The following ANAPC1 variants were observed in gnomAD, a reference collection of about 807,000 sequenced individuals.
The protein encoded by ANAPC1 is anaphase-promoting complex subunit 1.
In ANAPC1, 36 loss-of-function variants were observed where a neutral mutation model predicts 208.0. The ratio of observed to expected loss-of-function variants is 0.17; its 90% CI spans 0.13 to 0.23. The LOEUF is 0.23. Ranked by LOEUF, ANAPC1 falls within the 10% of genes least tolerant of loss-of-function variation. The pLI is 1.00. For synonymous variants in ANAPC1, 378 were observed against 695.2 expected (o/e 0.54, Z 7.18); for missense variants, 942 against 2,011.6 (o/e 0.47, Z 10.17).
At chr2:111,782,807 T>TGGGG (rs1677357160) in intron 42 of ANAPC1, among the ~76,000 whole-genome samples, 1 of 152,178 alleles carries the variant, frequency 6.6e-6, no homozygotes, top group South Asian at 2.1e-4. Flanking sequence ...ATTCCCTATA[T>TGGGG]CCCCTAGCTC....
intron 38 of ANAPC1, among the ~76,000 whole-genome samples, chr2:111,789,697 CA>C (rs1227385114): frequency 6.6e-5 from 10 of 151,700 alleles, no homozygotes; most frequent in Admixed American, 4.6e-4. Context: ...TGGGTAGAAA[CA>C]TAATGGTGTA....
At position 111,872,697 on chromosome 2, in the gene ANAPC1, G is replaced by A. The variant is rs781168837; in HGVS notation, c.544C>T (p.Pro182Ser). The A allele has an allele frequency of 1.2e-6, 2 of 1,613,276 alleles. No individual in the cohort carries two copies. The highest frequency in any genetic ancestry group is 1.7e-6 in the Non-Finnish European group (2 of 1,179,450). Residue 182 changes from proline (P) to serine (S), a missense_variant, in exon 6 of 48, where the codon CCC becomes TCC. Physicochemically the swap from Pro to Ser is moderately conservative, Grantham distance 74. Transcript: ENST00000341068. ...SLPFQVANVWPTKYGLLFERS... is the reference protein window; with the variant it reads ...SLPFQVANVWSTKYGLLFERS... ...TCAAACAGCAATCCATATTTAGTGGGCCAAACATTTGCAACCTTTCAGGTA... is the reference window on the plus strand; with the variant it reads ...TCAAACAGCAATCCATATTTAGTGGACCAAACATTTGCAACCTTTCAGGTA...
chr2:111,821,494 G>C lies in ANAPC1; in HGVS notation c.2992-41C>G, dbSNP rs566243569. 1,698 of 1,405,548 alleles carry C rather than the reference G, an allele frequency of 1.2e-3. 4 individuals are homozygous for C. The highest frequency in any genetic ancestry group is 1.6e-3 in the Non-Finnish European group (1,641 of 1,004,176). 87.1% of individuals were successfully genotyped at this position (1,405,548 alleles called of 1,614,324 possible). On this transcript the variant is annotated intron_variant, in intron 25 of 47. Coordinates refer to ENST00000341068, the MANE Select transcript of ANAPC1 (RefSeq NM_022662.4). Reference sequence around the variant, plus strand: ...TATTGTAATAATAATTTCAAAAGCAGTTAACATGCACTTGCTGAACATGAG... The same window carrying C: ...TATTGTAATAATAATTTCAAAAGCACTTAACATGCACTTGCTGAACATGAG...
intron 16 of ANAPC1, among the ~76,000 whole-genome samples, chr2:111,846,557 ATATTTTTTT>A (rs1681090758): frequency 1.9e-5 from 1 of 53,012 alleles, no homozygotes; most frequent in African/African-American, 7.9e-5. Context: ...ATATATATAT[ATATTTTTTT>A]TTTTTTTTTT....
At position 111,843,443 on chromosome 2, in the gene ANAPC1, T is replaced by A. The variant is rs1267941411; in HGVS notation, c.2009A>T (p.Tyr670Phe). Residue 670 changes from tyrosine to phenylalanine, a missense_variant, in exon 17 of 48, where the codon TAT becomes TTT. Physicochemically the swap from Tyr to Phe is conservative, Grantham distance 22 (BLOSUM62 3). Transcript: ENST00000341068. ...FVTCLMNMMG[Y>F]NTDRLAWTRN... ...AGTCCATGCTAAGCGGTCTGTGTTATAACCCATCATGTTCATGAGACAAGT... is the reference window on the plus strand; with the variant it reads ...AGTCCATGCTAAGCGGTCTGTGTTAAAACCCATCATGTTCATGAGACAAGT... 6.2e-7 allele frequency: 1 copy of A among 1,612,014 alleles called. No homozygotes were observed. Among genetic ancestry groups the A allele is most frequent in the East Asian group, 2.2e-5 (1 of 44,874 alleles).
At position 111,880,957 on chromosome 2, in the gene ANAPC1, T is replaced by C. The variant is rs1683268004; in HGVS notation, c.-24-108A>G. 4.0e-6 allele frequency: 4 copies of C among 1,002,210 alleles called. No individual in the cohort carries two copies. The African/African-American group carries it at 4.9e-5, about 12-fold the overall frequency. 62.1% of individuals were successfully genotyped at this position (1,002,210 alleles called of 1,614,324 possible). On this transcript the variant is annotated intron_variant, in intron 1 of 47. Coordinates refer to ENST00000341068, the MANE Select transcript of ANAPC1 (RefSeq NM_022662.4). ...CTTACATGGGTGTCAAGTAATTATA[T>C]CAGACTGGTAAGTATATAAGTTGGT...
Position 111,809,024 on chromosome 2 carries a change from G to A in ANAPC1, c.3755C>T (p.Ala1252Val). 6.2e-7 allele frequency: 1 copy of A among 1,611,336 alleles called. No homozygotes were observed. The highest frequency in any genetic ancestry group is 8.5e-7 in the Non-Finnish European group (1 of 1,179,750). ...TACAAGGCCAATGCCAACCACTGCA[G>A]CCACTTGGACATTGTGAGGAACATC... ...ELDVPHNVQV[A>V]AVVGIGLVYQ... Residue 1252 changes from alanine (A) to valine (V), a missense_variant, in exon 29 of 48, where the codon GCT (alanine) becomes GTT (valine). Ala to Val is a moderately conservative substitution (Grantham distance 64). Transcript: ENST00000341068.
chr2:111,845,432 A>G (rs1680999750), intron 16 of ANAPC1, among the ~76,000 whole-genome samples: 1 of 152,196 alleles, frequency 6.6e-6, no homozygotes, highest in South Asian at 2.1e-4. Flanking sequence ...AATAATATTA[A>G]AATACCAAAT....
chr2:111,868,096 T>G lies in ANAPC1; in HGVS notation c.612A>C (p.Arg204Ser). ...TGCTGAACATAGTAGGTAAAGGTTC[T>G]CTAGCAATAAACAAATAATCAATTA... is the stretch of plus-strand genomic sequence containing the variant. ...SSHEVPPGSP[R>S]EPLPTMFSML... Residue 204 changes from arginine (R) to serine (S), a missense_variant and splice_region_variant, in exon 7 of 48, where the codon AGA becomes AGC. Transcript: ENST00000341068. 6.3e-7 allele frequency: 1 copy of G among 1,583,344 alleles called. No homozygotes were observed. Among genetic ancestry groups the G allele is most frequent in the Non-Finnish European group, 8.6e-7 (1 of 1,165,442 alleles).
At chr2:111,867,260 G>A (rs1018059731) in intron 7 of ANAPC1, among the ~76,000 whole-genome samples, 46 of 151,314 alleles carry the variant, frequency 3.0e-4, no homozygotes, top group African/African-American at 8.2e-4. Flanking sequence ...ATTGTATTCT[G>A]GCCTGGGCAA....
chr2:111,785,189 A>C (rs1257754272), intron 40 of ANAPC1, among the ~76,000 whole-genome samples, 171 bp downstream of exon 40: 1 of 152,224 alleles, frequency 6.6e-6, no homozygotes, highest in African/African-American at 2.4e-5. Context: ...AGATCATTTA[A>C]ATGAGCATGA....
Position 111,794,878 on chromosome 2 carries a change from C to CTA in ANAPC1, c.4311_4312dup (p.Ser1438IlefsTer16). ...CAATTCGATTTCACTGAGAGAGATA[C>CTA]TATTTTCTCTTATAATCTGTCAATA... On this transcript the variant is annotated frameshift_variant, in exon 35 of 48. Transcript: ENST00000341068. LOFTEE classifies it high-confidence loss of function. 7.0e-7 allele frequency: 1 copy of CTA among 1,419,002 alleles called. No homozygotes were observed. Among genetic ancestry groups the CTA allele is most frequent in the South Asian group, 1.2e-5 (1 of 81,190 alleles). The allele number at this position is 1,419,002 out of a possible 1,614,324, so 87.9% of individuals were successfully genotyped here. A position where few individuals can be genotyped will look rare whatever the true frequency, so the allele number is the denominator to read the frequency against.
chr2:111,833,681 T>TAA (rs372311361), intron 19 of ANAPC1, among the ~76,000 whole-genome samples: 9 of 85,996 alleles, frequency 1.0e-4, no homozygotes, highest in East Asian at 3.2e-4. Flanking sequence ...ATAAAATATG[T>TAA]AAAAAAAAAA....
At chr2:111,859,693 T>C (rs562208279) in intron 10 of ANAPC1, among the ~76,000 whole-genome samples, 1 of 152,204 alleles carries the variant, frequency 6.6e-6, no homozygotes, top group Admixed American at 6.6e-5. Flanking sequence ...TTTCATTCTC[T>C]CTAAGATTAT....
At chr2:111,881,363 A>T (rs1245565760) in intron 1 of ANAPC1, among the ~76,000 whole-genome samples, 2 of 152,156 alleles carry the variant, frequency 1.3e-5, no homozygotes, top group African/African-American at 4.8e-5. Flanking sequence ...TCTACAAAAG[A>T]CATAGGTTTT....
chr2:111,855,665 A>G (rs1425666148), intron 13 of ANAPC1, among the ~76,000 whole-genome samples: 1 of 152,228 alleles, frequency 6.6e-6, no homozygotes, highest in Non-Finnish European at 1.5e-5. Context: ...TAAATAATGC[A>G]TTCTTTAGTG....
At chr2:111,843,298 T>C in intron 17 of ANAPC1, 114 bp downstream of exon 17, 1 of 976,790 alleles carries the variant, frequency 1.0e-6, no homozygotes, top group Non-Finnish European at 1.5e-6. Context: ...CTTAATATTA[T>C]TCTATTATTT....
At chr2:111,882,181 C>A (rs1325116976) in intron 1 of ANAPC1, among the ~76,000 whole-genome samples, 11 of 150,724 alleles carry the variant, frequency 7.3e-5, no homozygotes, top group Non-Finnish European at 1.2e-4. Flanking sequence ...AAGACTCTGT[C>A]TCAAAAAAAA....
intron 39 of ANAPC1, among the ~76,000 whole-genome samples, chr2:111,786,975 C>T (rs1278377424): frequency 2.6e-5 from 4 of 151,454 alleles, no homozygotes; most frequent in East Asian, 3.9e-4. Context: ...GGTGAAACCC[C>T]GTCTCTACTA....
Sources: allele counts gnomAD v4.1 joint callset (sites outside exome capture counted in the v4.1 genomes callset), GRCh38; gene constraint gnomAD v4.1.1; transcripts MANE v1.5; gene names NCBI Gene and HGNC (gene_info 2026-07-23, HGNC 2026-07-21).